The following RNF180 variants were observed in gnomAD, a reference collection of about 807,000 sequenced individuals.
RNF180 encodes ring finger protein 180.
RNF180 carries 38 observed loss-of-function variants against 59.2 expected under a neutral mutation model. The observed-to-expected ratio is 0.64, with a 90% CI of 0.50 to 0.84. The LOEUF (loss-of-function observed/expected upper bound fraction) is 0.84, where lower values mean the gene tolerates loss of function less well. Ranked by LOEUF, RNF180 falls within the 40% of genes least tolerant of loss-of-function variation. The pLI, the probability that RNF180 is intolerant of heterozygous loss-of-function variation, is 0.00. For missense variants in RNF180, 705 were observed against 700.9 expected (o/e 1.01, Z -0.07); for synonymous variants, 262 against 240.3 (o/e 1.09, Z -0.84).
intron 1 of RNF180, among the ~76,000 whole-genome samples, chr5:64,169,293 G>C (rs1429506859): frequency 6.6e-6 from 1 of 152,196 alleles, no homozygotes; most frequent in African/African-American, 2.4e-5. Flanking sequence ...CTAAGTGAGA[G>C]TGTGACCAAA....
intron 7 of RNF180, 86 bp from the exon 8 acceptor site, chr5:64,369,529 C>A: frequency 1.3e-6 from 1 of 745,152 alleles, no homozygotes; most frequent in Non-Finnish European, 2.0e-6. Context: ...TCAGGATATG[C>A]TTTGTTTAAC....
chr5:64,315,401 G>T (rs1387544371), intron 5 of RNF180, among the ~76,000 whole-genome samples: 2 of 152,186 alleles, frequency 1.3e-5, no homozygotes, highest in Admixed American at 1.3e-4. Flanking sequence ...TAAAAATGAT[G>T]TTCTATGAAA....
intron 7 of RNF180, among the ~76,000 whole-genome samples, chr5:64,366,482 TGTTGGCCTC>T (rs1746451331): frequency 6.6e-6 from 1 of 151,578 alleles, no homozygotes; most frequent in African/African-American, 2.4e-5. Context: ...TGGATTTGAA[TGTTGGCCTC>T]TATAGCTAGG....
intron 5 of RNF180, among the ~76,000 whole-genome samples, chr5:64,294,254 T>C (rs1231003699): frequency 6.6e-6 from 1 of 152,204 alleles, no homozygotes; most frequent in Non-Finnish European, 1.5e-5. Flanking sequence ...ACTCAAACTT[T>C]GCAAAAGGGT....
At chr5:64,219,025 A>G (rs777588157) in intron 5 of RNF180, among the ~76,000 whole-genome samples, 2 of 152,204 alleles carry the variant, frequency 1.3e-5, no homozygotes, top group East Asian at 1.9e-4. Context: ...TCATTATAGT[A>G]TAATGCTGAA....
intron 5 of RNF180, among the ~76,000 whole-genome samples, chr5:64,307,369 C>T (rs920147301): frequency 6.6e-6 from 1 of 151,454 alleles, no homozygotes; most frequent in African/African-American, 2.4e-5. Context: ...GACATCTATT[C>T]TTTGATTCCA....
At chr5:64,266,037 A>G (rs1307809661) in intron 5 of RNF180, among the ~76,000 whole-genome samples, 1 of 152,316 alleles carries the variant, frequency 6.6e-6, no homozygotes, top group East Asian at 1.9e-4. Context: ...TTATTGGTGT[A>G]TAAGAATGCT....
At chr5:64,330,692 C>T (rs1037305188) in intron 7 of RNF180, among the ~76,000 whole-genome samples, 1 of 152,170 alleles carries the variant, frequency 6.6e-6, no homozygotes, top group African/African-American at 2.4e-5. Context: ...TCAAAAGTAT[C>T]AGATTTGACA....
intron 1 of RNF180, among the ~76,000 whole-genome samples, chr5:64,195,516 A>C (rs1389865): frequency 0.023 from 3,557 of 152,284 alleles, 126 homozygotes; most frequent in African/African-American, 0.075. Flanking sequence ...GTCCTCACTT[A>C]ATGTCATTGA....
Position 64,292,455 on chromosome 5 carries a change from A to G in RNF180, c.1228-32731A>G, listed in dbSNP as rs1742649953. On this transcript the variant is annotated intron_variant, in intron 5 of 7. Coordinates refer to ENST00000389100, the MANE Select transcript of RNF180 (RefSeq NM_001113561.2). ...TTTCCGCTTACCTGGAGGTATCATC[A>G]GTGAAGGCTGCAAAACAGCAAAAGT... Among the ~76,000 whole-genome samples, 2 of 152,122 alleles carry G rather than the reference A, an allele frequency of 1.3e-5. 1 individual carries two copies. Among genetic ancestry groups the G allele is most frequent in the East Asian group, 3.9e-4 (2 of 5,184 alleles).
chr5:64,227,646 TA>T (rs1348755128), intron 5 of RNF180, among the ~76,000 whole-genome samples: 1 of 152,234 alleles, frequency 6.6e-6, no homozygotes, highest in Admixed American at 6.5e-5. Context: ...AAGAAATGAC[TA>T]AGACTAGTTC....
intron 2 of RNF180, among the ~76,000 whole-genome samples, chr5:64,209,079 A>G (rs1490758202): frequency 6.6e-6 from 1 of 152,062 alleles, no homozygotes; most frequent in Non-Finnish European, 1.5e-5. Context: ...TAAAAACTAT[A>G]GTATTTTATA....
chr5:64,333,304 A>G (rs1379727918), intron 7 of RNF180, among the ~76,000 whole-genome samples: 2 of 152,092 alleles, frequency 1.3e-5, no homozygotes, highest in African/African-American at 2.4e-5. Context: ...CAGCCTCCCA[A>G]GTAGCTGGGA....
rs777234179 is a variant in RNF180, at chr5:64,325,345, G to C, written c.1387G>C (p.Asp463His). 1.3e-6 allele frequency: 2 copies of C among 1,551,566 alleles called. No individual in the cohort carries two copies. Among genetic ancestry groups the C allele is most frequent in the Non-Finnish European group, 1.7e-6 (2 of 1,146,986 alleles). ...CEPCLRTLAK[D>H]NPSSTPCPLC... ...GCCCTGCTTACGGACTCTGGCCAAA[G>C]ACAATCCTTCAAGCACTCCATGCCC... Residue 463 changes from aspartate (D) to histidine (H), a missense_variant, in exon 6 of 8, where the codon GAC (aspartate) becomes CAC (histidine). Asp to His is a moderately conservative substitution (Grantham distance 81). Transcript: ENST00000389100.
At chr5:64,219,686 T>G (rs1479634946) in intron 5 of RNF180, among the ~76,000 whole-genome samples, 4 of 151,834 alleles carry the variant, frequency 2.6e-5, no homozygotes, top group Non-Finnish European at 5.9e-5. Context: ...GCTAATTTTT[T>G]TTTTTTGTAT....
chr5:64,218,330 T>C (rs1752743692), intron 5 of RNF180, among the ~76,000 whole-genome samples: 1 of 152,178 alleles, frequency 6.6e-6, no homozygotes, highest in Admixed American at 6.5e-5. Context: ...GGTATATTAT[T>C]TTACATAGAG....
chr5:64,318,637 A>C (rs186231362), intron 5 of RNF180, among the ~76,000 whole-genome samples: 18 of 152,288 alleles, frequency 1.2e-4, no homozygotes, highest in Non-Finnish European at 2.5e-4. Flanking sequence ...AGTGAAAGCA[A>C]AGTGATACTT....
intron 5 of RNF180, among the ~76,000 whole-genome samples, chr5:64,274,331 C>G (rs900660660): frequency 6.6e-6 from 1 of 151,286 alleles, no homozygotes; most frequent in Non-Finnish European, 1.5e-5. Flanking sequence ...TTTTTTAAAT[C>G]TCTTAACACG....
chr5:64,186,171 G>C lies in RNF180; in HGVS notation c.1-14637G>C, dbSNP rs75538038. ...ATGTGACAATTCCTCTTGCCCTGAA[G>C]TAAAAAGGATTTTGAAGCCAAGTCA... On this transcript the variant is annotated intron_variant, in intron 1 of 7. Coordinates refer to ENST00000389100, the MANE Select transcript of RNF180 (RefSeq NM_001113561.2). Among the ~76,000 whole-genome samples, 92 of 152,206 alleles carry C rather than the reference G, an allele frequency of 6.0e-4. 2 individuals are homozygous for C. In the East Asian group the frequency reaches 0.015, roughly 25 times the overall value.
Sources: gnomAD v4.1 joint callset for allele counts (sites outside exome capture counted in the v4.1 genomes callset) on GRCh38, gnomAD v4.1.1 for gene constraint, MANE v1.5 for transcripts, NCBI Gene and HGNC (gene_info 2026-07-23, HGNC 2026-07-21) for gene names.